SH3RF3: variants seen among roughly 807,000 people sequenced by gnomAD.
The protein encoded by SH3RF3 is SH3 domain containing ring finger 3.
A neutral mutation model predicts 66.3 loss-of-function variants in SH3RF3; 29 were observed. The ratio of observed to expected loss-of-function variants is 0.44; its 90% CI spans 0.33 to 0.60. The LOEUF (loss-of-function observed/expected upper bound fraction) is 0.60. Among genes scored for constraint, SH3RF3 ranks in the 20% least tolerant of loss-of-function variants. The pLI, the probability that SH3RF3 is intolerant of heterozygous loss-of-function variation, is 0.04. For missense variants in SH3RF3, 1,194 were observed against 1,190.9 expected (o/e 1.00, Z -0.04); for synonymous variants, 583 against 532.0 (o/e 1.10, Z -1.32).
chr2:109,328,883 C>T (rs1201788570), intron 1 of SH3RF3, among the ~76,000 whole-genome samples: 1 of 152,170 alleles, frequency 6.6e-6, no homozygotes, highest in Non-Finnish European at 1.5e-5. Context: ...CTCCCAGTTG[C>T]CTTCTCCATG....
chr2:109,187,679 A>G (rs1678228269), intron 1 of SH3RF3, among the ~76,000 whole-genome samples: 1 of 152,198 alleles, frequency 6.6e-6, no homozygotes, highest in African/African-American at 2.4e-5. Flanking sequence ...ATGTTCACAC[A>G]ATGATGTCAC....
intron 8 of SH3RF3, among the ~76,000 whole-genome samples, chr2:109,452,875 C>CT (rs1677923615): frequency 7.3e-6 from 1 of 137,772 alleles, no homozygotes; most frequent in Non-Finnish European, 1.5e-5. Flanking sequence ...AGGCTGGTGC[C>CT]AGGAGGCTGG....
At position 109,418,141 on chromosome 2, in the gene SH3RF3, G is replaced by A. The variant is rs141415210; in HGVS notation, c.1300-1398G>A. ...AAACCTGCCTTTGGCCGAGGTACCT[G>A]CAGCCTGGCCCCGTCCTGTGCTCCA... On this transcript the variant is annotated intron_variant, in intron 4 of 9. Coordinates refer to ENST00000309415, the MANE Select transcript of SH3RF3 (RefSeq NM_001099289.3). Among the ~76,000 whole-genome samples, 511 of 152,240 alleles carry A rather than the reference G, an allele frequency of 3.4e-3. 2 individuals are homozygous for A. Among genetic ancestry groups the A allele is most frequent in the Non-Finnish European group, 5.6e-3 (379 of 68,010 alleles).
intron 1 of SH3RF3, among the ~76,000 whole-genome samples, chr2:109,196,894 C>T (rs764468327): frequency 6.6e-6 from 1 of 152,216 alleles, no homozygotes; most frequent in Non-Finnish European, 1.5e-5. Context: ...AGGACCCCGG[C>T]ACATCATAGA....
At chr2:109,385,278 A>G (rs903913272) in intron 3 of SH3RF3, among the ~76,000 whole-genome samples, 9 of 152,228 alleles carry the variant, frequency 5.9e-5, no homozygotes, top group Non-Finnish European at 1.3e-4. Flanking sequence ...TGCACAAAAC[A>G]GCGCACAAAG....
At chr2:109,182,736 A>G (rs909246987) in intron 1 of SH3RF3, among the ~76,000 whole-genome samples, 1 of 152,244 alleles carries the variant, frequency 6.6e-6, no homozygotes, top group East Asian at 1.9e-4. Context: ...ATATAAAGTA[A>G]TTCTCAATTT....
rs1174328845 is a variant in SH3RF3 at position 109,372,541 on chromosome 2, A to G, written c.945+860A>G. 3.3e-5 allele frequency among the ~76,000 whole-genome samples: 5 copies of G among 152,344 alleles called. No individual in the cohort carries two copies. In the East Asian group the frequency reaches 9.6e-4, roughly 29 times the overall value. On this transcript the variant is annotated intron_variant, in intron 3 of 9. Transcript: ENST00000309415. The stretch of plus-strand genomic sequence containing the variant: ...TACCTGCTCATTTAATCTTCTCAGC[A>G]ACACTGGCATATGAAAACCATGAAT...
chr2:109,167,152 A>T (rs1383321502), intron 1 of SH3RF3, among the ~76,000 whole-genome samples: 2 of 152,246 alleles, frequency 1.3e-5, no homozygotes, highest in Non-Finnish European at 1.5e-5. Context: ...GGTTCCTGGC[A>T]TATGGGATTT....
At chr2:109,500,430 T>C (rs1296084363) in intron 9 of SH3RF3, among the ~76,000 whole-genome samples, 2 of 152,108 alleles carry the variant, frequency 1.3e-5, no homozygotes, top group African/African-American at 2.4e-5. Context: ...GCGGAGGCCA[T>C]GCAGGGAAGA....
At chr2:109,176,858 A>T (rs1458878673) in intron 1 of SH3RF3, among the ~76,000 whole-genome samples, 1 of 152,184 alleles carries the variant, frequency 6.6e-6, no homozygotes, top group African/African-American at 2.4e-5. Flanking sequence ...TCAGCCCATG[A>T]TGTGTATTTA....
At chr2:109,340,929 A>G (rs1265066204) in intron 1 of SH3RF3, among the ~76,000 whole-genome samples, 1 of 152,214 alleles carries the variant, frequency 6.6e-6, no homozygotes, top group Non-Finnish European at 1.5e-5. Context: ...TTGCTTTTAA[A>G]TCCTCTCCAA....
chr2:109,154,411 T>TTAGACAA (rs1677290814), intron 1 of SH3RF3, among the ~76,000 whole-genome samples: 1 of 152,170 alleles, frequency 6.6e-6, no homozygotes. Context: ...GCTGCTGCCA[T>TTAGACAA]TGTCTGCCAG....
chr2:109,172,305 A>G (rs941449256), intron 1 of SH3RF3, among the ~76,000 whole-genome samples: 2 of 152,188 alleles, frequency 1.3e-5, no homozygotes, highest in Non-Finnish European at 2.9e-5. Flanking sequence ...CTCTCCTGAC[A>G]AGGACCTTGC....
intron 1 of SH3RF3, among the ~76,000 whole-genome samples, chr2:109,270,151 G>A (rs1430283117): frequency 6.6e-6 from 1 of 152,222 alleles, no homozygotes; most frequent in Non-Finnish European, 1.5e-5. Context: ...CCCCACCTGG[G>A]GGTGTTGGAG....
intron 1 of SH3RF3, among the ~76,000 whole-genome samples, chr2:109,144,668 C>T (rs896821195): frequency 2.3e-4 from 35 of 152,222 alleles, no homozygotes; most frequent in African/African-American, 7.2e-4. Context: ...AGGTGTTCCC[C>T]GAGTCCTTAT....
At chr2:109,332,753 G>C (rs1002432679) in intron 1 of SH3RF3, among the ~76,000 whole-genome samples, 1 of 152,326 alleles carries the variant, frequency 6.6e-6, no homozygotes, top group South Asian at 2.1e-4. Flanking sequence ...CGCCCCCAGG[G>C]TTAGTGTGTG....
At chr2:109,480,210 A>G (rs1043622789) in intron 8 of SH3RF3, among the ~76,000 whole-genome samples, 19 of 152,220 alleles carry the variant, frequency 1.2e-4, no homozygotes, top group African/African-American at 4.6e-4. Flanking sequence ...CATGGCACCA[A>G]ACATCTGTAC....
chr2:109,260,736 G>A (rs1465920207), intron 1 of SH3RF3, among the ~76,000 whole-genome samples: 7 of 152,160 alleles, frequency 4.6e-5, no homozygotes, highest in Non-Finnish European at 1.0e-4. Context: ...ACTGTCCATG[G>A]GCAATCCAGG....
chr2:109,429,905 G>T (rs1677144704), intron 5 of SH3RF3, among the ~76,000 whole-genome samples: 2 of 152,112 alleles, frequency 1.3e-5, no homozygotes, highest in Admixed American at 1.3e-4. Flanking sequence ...CCTGGAGGGA[G>T]AAGTGGCCCA....
Sources: gnomAD v4.1 joint callset for allele counts (sites outside exome capture counted in the v4.1 genomes callset) on GRCh38, gnomAD v4.1.1 for gene constraint, MANE v1.5 for transcripts, NCBI Gene and HGNC (gene_info 2026-07-23, HGNC 2026-07-21) for gene names.